The following RRP12 variants were observed in gnomAD, a reference collection of about 807,000 sequenced individuals.
The protein encoded by RRP12 is ribosomal RNA processing 12 homolog.
A neutral mutation model predicts 157.3 loss-of-function variants in RRP12; 78 were observed. The observed-to-expected ratio is 0.50, with a 90% CI of 0.41 to 0.60. RRP12 has a LOEUF of 0.60. Ranked by LOEUF, RRP12 falls within the 20% of genes least tolerant of loss-of-function variation. RRP12 has a pLI of 0.00. For missense variants in RRP12, 1,521 were observed against 1,679.9 expected, an observed-to-expected ratio of 0.91 and a Z score of 1.65; for synonymous variants, 726 against 670.9, an observed-to-expected ratio of 1.08 and a Z score of -1.27.
chr10:97,389,107 T>C (rs895782030), intron 6 of RRP12, among the ~76,000 whole-genome samples: 1 of 152,148 alleles, frequency 6.6e-6, no homozygotes. Context: ...GTTGTTGTTG[T>C]TTGTTTGAGA....
At chr10:97,398,029 A>T (rs1333963476) in intron 2 of RRP12, among the ~76,000 whole-genome samples, 16 of 96,728 alleles carry the variant, frequency 1.7e-4, no homozygotes, top group African/African-American at 7.3e-4. Context: ...ATATGTATAT[A>T]TATATACGTA....
intron 31 of RRP12, among the ~76,000 whole-genome samples, chr10:97,359,286 A>G (rs898800759): frequency 6.6e-6 from 1 of 152,148 alleles, no homozygotes; most frequent in African/African-American, 2.4e-5. Flanking sequence ...TAACACACTA[A>G]CAAAAAATAA....
At chr10:97,375,619 C>T (rs1471461540) in intron 15 of RRP12, among the ~76,000 whole-genome samples, 3 of 152,082 alleles carry the variant, frequency 2.0e-5, no homozygotes, top group African/African-American at 7.2e-5. Flanking sequence ...AGAATAATGC[C>T]AGGGTTTATA....
At position 97,381,635 on chromosome 10, in the gene RRP12, C is replaced by G. The variant is rs1844470092; in HGVS notation, c.1320+80G>C. The G allele has an allele frequency of 2.2e-6, 3 of 1,345,046 alleles. No homozygotes were observed. In the Admixed American group the frequency reaches 5.7e-5, roughly 26 times the overall value. The allele number at this position is 1,345,046 out of a possible 1,614,324, so 83.3% of individuals were successfully genotyped here. A position where few individuals can be genotyped will look rare whatever the true frequency, so the allele number is the denominator to read the frequency against. On this transcript the variant is annotated intron_variant, in intron 11 of 33. Coordinates refer to ENST00000370992, the MANE Select transcript of RRP12 (RefSeq NM_015179.4). ...GGCCTCTCTGGGCCCGAGCTGGTAG[C>G]CTGGGGCCAGTGCTGGGAAAGACAG...
At position 97,356,927 on chromosome 10, in the gene RRP12, A is replaced by G. The variant is rs1843725470; in HGVS notation, c.*167T>C. 1 of 564,090 alleles carries G rather than the reference A, an allele frequency of 1.8e-6. No individual in the cohort carries two copies. Among genetic ancestry groups the G allele is most frequent in the Admixed American group, 3.3e-5 (1 of 30,222 alleles). The allele number at this position is 564,090 out of a possible 1,614,324, so 34.9% of individuals were successfully genotyped here. A position where few individuals can be genotyped will look rare whatever the true frequency, so the allele number is the denominator to read the frequency against. ...AGGGATGTCTCTGAAGGGTGATTCC[A>G]TTTGGAGTTTCCAAAATCCAGGACT... On this transcript the variant is annotated 3_prime_UTR_variant, in exon 34 of 34. Coordinates refer to ENST00000370992, the MANE Select transcript of RRP12 (RefSeq NM_015179.4).
intron 20 of RRP12, chr10:97,371,646 C>T (rs1308021287): frequency 2.6e-5 from 5 of 189,446 alleles, no homozygotes; most frequent in Non-Finnish European, 4.5e-5. Context: ...TTGCTGGCCA[C>T]AGCAGAGGGC....
intron 15 of RRP12, 78 bp from the exon 16 acceptor site, chr10:97,373,972 A>G (rs1844234171): frequency 2.4e-6 from 3 of 1,228,998 alleles, no homozygotes; most frequent in Non-Finnish European, 3.5e-6. Flanking sequence ...CCAAACCAAA[A>G]GCCCAATGAT....
chr10:97,396,451 G>C lies in RRP12; in HGVS notation c.370-150C>G, dbSNP rs1039014514. 6.3e-6 allele frequency: 4 copies of C among 637,422 alleles called. No individual in the cohort carries two copies. The African/African-American group carries it at 7.3e-5, about 12-fold the overall frequency. 39.5% of individuals were successfully genotyped at this position (637,422 alleles called of 1,614,324 possible). A position where few individuals can be genotyped will look rare whatever the true frequency, so the allele number is the denominator to read the frequency against. On this transcript the variant is annotated intron_variant, in intron 2 of 33. Transcript: ENST00000370992. ...CATTCAGGGCCTAGGTCCATACCAG[G>C]GGGCCCAGCAAATAACAAGACTCAG...
At chr10:97,365,914 G>A in intron 29 of RRP12, 194 bp downstream of exon 29, 3 of 681,470 alleles carry the variant, frequency 4.4e-6, no homozygotes, top group South Asian at 3.5e-5. Flanking sequence ...AATATGTATT[G>A]TATAAATGGC....
rs1443939294 is a variant in RRP12 at position 97,366,823 on chromosome 10, TG to T, written c.3133del (p.His1045ThrfsTer4). ...IRKAEARAKR[H>X]RALSQAAVEE... Reference sequence around the variant, plus strand: ...CACGGCAGCCTGGCTCAGGGCTCGGTGCCTCTTGGCCCGGGCCTCAGCTTTC... The same window carrying T: ...CACGGCAGCCTGGCTCAGGGCTCGGTCCTCTTGGCCCGGGCCTCAGCTTTC... On this transcript the variant is annotated frameshift_variant, in exon 27 of 34. Transcript: ENST00000370992. LOFTEE classifies it high-confidence loss of function. The T allele has an allele frequency of 6.2e-7, 1 of 1,614,204 alleles. No homozygotes were observed. The highest frequency in any genetic ancestry group is 8.5e-7 in the Non-Finnish European group (1 of 1,180,034).
chr10:97,366,792 C>T lies in RRP12; in HGVS notation c.3165G>A (p.Glu1055=), dbSNP rs1843997623. ...HRALSQAAVE[E]EEEEEEEEEP... is the part of the protein sequence containing the mutation. ...CCTCCTCCTCCTCCTCCTCTTCTTC[C>T]TCCTCCACGGCAGCCTGGCTCAGGG... The change falls in exon 27 of 34, where the codon GAG becomes GAA. Residue 1055 remains glutamate, a synonymous_variant. Coordinates refer to ENST00000370992, the MANE Select transcript of RRP12 (RefSeq NM_015179.4). 1.5e-5 allele frequency: 24 copies of T among 1,614,074 alleles called. No individual in the cohort carries two copies. Among genetic ancestry groups the T allele is most frequent in the Non-Finnish European group, 1.9e-5 (23 of 1,180,038 alleles).
Position 97,385,909 on chromosome 10 carries a change from C to A in RRP12, c.1102G>T (p.Ala368Ser), listed in dbSNP as rs373049546. 6 of 1,604,276 alleles carry A rather than the reference C, an allele frequency of 3.7e-6. No homozygotes were observed. Among genetic ancestry groups the A allele is most frequent in the Non-Finnish European group, 3.4e-6 (4 of 1,175,280 alleles). ...ACAGGCCTCACCGTGATGATCTGGGCGTTGAGCTCTGCTGACAGGGTGCTC... is the reference window on the plus strand; with the variant it reads ...ACAGGCCTCACCGTGATGATCTGGGAGTTGAGCTCTGCTGACAGGGTGCTC... ...GLSTLSAELN[A>S]QIITALYDYV... Residue 368 changes from alanine (A) to serine (S), a missense_variant, in exon 9 of 34, where the codon GCC becomes TCC. Physicochemically the swap from Ala to Ser is moderately conservative, Grantham distance 99. Coordinates refer to ENST00000370992, the MANE Select transcript of RRP12 (RefSeq NM_015179.4).
Position 97,366,747 on chromosome 10 carries a change from A to C in RRP12, c.3210T>G (p.Gly1070=). The change falls in exon 27 of 34, where the codon GGT becomes GGG. Residue 1070 remains glycine (G), a synonymous_variant. Transcript: ENST00000370992. ...TGGCCCTAACATGGTCTCACCTGTC[A>C]CCTTTGCCCTGGGCGGGCTCCTCCT... ...EEEEEPAQGK[G]DSIEEILADS... The C allele has an allele frequency of 1.9e-6, 3 of 1,612,690 alleles. No individual in the cohort carries two copies. Among genetic ancestry groups the C allele is most frequent in the Non-Finnish European group, 2.5e-6 (3 of 1,179,386 alleles).
At chr10:97,400,592 C>T (rs1332094238) in intron 1 of RRP12, 58 bp from the exon 2 acceptor site, 35 of 1,438,298 alleles carry the variant, frequency 2.4e-5, no homozygotes, top group Non-Finnish European at 3.4e-5. Flanking sequence ...GAGAACAGAA[C>T]AACCCCTGGG....
In RRP12 at chr10:97,400,289, C is replaced by G. The variant is rs2297668; in HGVS notation, c.369+16G>C. The G allele has an allele frequency of 4.4e-6, 7 of 1,604,230 alleles. No individual in the cohort carries two copies. Among genetic ancestry groups the G allele is most frequent in the Non-Finnish European group, 6.0e-6 (7 of 1,171,392 alleles). ...TCTCCTCACTATCCTATGGCCCTCC[C>G]GACCCTCGCCCCTACCTCCTTGTGG... is the stretch of plus-strand genomic sequence containing the variant. On this transcript the variant is annotated intron_variant, in intron 2 of 33. Transcript: ENST00000370992.
intron 3 of RRP12, 50 bp from the exon 4 acceptor site, chr10:97,393,810 A>C (rs756622571): frequency 4.7e-6 from 7 of 1,490,772 alleles, no homozygotes; most frequent in Admixed American, 3.4e-5. Context: ...TACACTGAGC[A>C]AACAGGAAAG....
chr10:97,386,713 G>A (rs61861866), intron 8 of RRP12, among the ~76,000 whole-genome samples: 112 of 152,142 alleles, frequency 7.4e-4, no homozygotes, highest in African/African-American at 2.6e-3. Context: ...ATACAAGGCC[G>A]GGTGCAGAGG....
chr10:97,388,238 G>A lies in RRP12; in HGVS notation c.1017+14C>T. On this transcript the variant is annotated intron_variant, in intron 8 of 33. Transcript: ENST00000370992. Reference sequence around the variant, plus strand: ...GCAGGTCCCCCTTTCTCCAGCTTTTGGGCCTGAGCTCACCACATGGCTCAA... The same window carrying A: ...GCAGGTCCCCCTTTCTCCAGCTTTTAGGCCTGAGCTCACCACATGGCTCAA... 1.2e-6 allele frequency: 2 copies of A among 1,613,512 alleles called. No individual in the cohort carries two copies. The highest frequency in any genetic ancestry group is 1.7e-6 in the Non-Finnish European group (2 of 1,179,984).
chr10:97,387,227 G>C (rs1166307970), intron 8 of RRP12, among the ~76,000 whole-genome samples: 4 of 151,714 alleles, frequency 2.6e-5, no homozygotes, highest in African/African-American at 9.7e-5. Flanking sequence ...GTTGTCTAAG[G>C]AATAATGACA....
Sources: allele counts gnomAD v4.1 joint callset (sites outside exome capture counted in the v4.1 genomes callset), GRCh38; gene constraint gnomAD v4.1.1; transcripts MANE v1.5; gene names NCBI Gene and HGNC (gene_info 2026-07-23, HGNC 2026-07-21).